BBS9: variants seen among roughly 807,000 people sequenced by gnomAD.
BBS9 encodes the protein protein PTHB1.
BBS9 carries 89 observed loss-of-function variants against 117.7 expected under a neutral mutation model. That is an observed-to-expected ratio of 0.76 (90% confidence interval 0.64 to 0.90). The LOEUF (loss-of-function observed/expected upper bound fraction) is 0.90. Among genes scored for constraint, BBS9 ranks in the 40% least tolerant of loss-of-function variants. The pLI, the probability that BBS9 is intolerant of heterozygous loss-of-function variation, is 0.00. For missense variants in BBS9, 982 were observed against 1,042.2 expected (o/e 0.94, Z 0.80); for synonymous variants, 379 against 370.9 (o/e 1.02, Z -0.25).
At chr7:33,592,723 A>G (rs1862139502) in intron 21 of BBS9, among the ~76,000 whole-genome samples, 1 of 152,062 alleles carries the variant, frequency 6.6e-6, no homozygotes, top group Admixed American at 6.6e-5. Flanking sequence ...AAAACAACAC[A>G]ATTTGGTCAA....
chr7:33,568,613 C>T (rs563742162), intron 21 of BBS9, among the ~76,000 whole-genome samples: 173 of 152,288 alleles, frequency 1.1e-3, no homozygotes, highest in African/African-American at 4.0e-3. Flanking sequence ...CAATTCCTTA[C>T]TGTTTCCATA....
chr7:33,536,003 G>A (rs570872703), intron 21 of BBS9, among the ~76,000 whole-genome samples: 4 of 152,018 alleles, frequency 2.6e-5, no homozygotes, highest in South Asian at 2.1e-4. Context: ...GGCTGTGTCC[G>A]TATCTAGGAT....
At chr7:33,616,820 A>C (rs1210975529) in intron 21 of BBS9, among the ~76,000 whole-genome samples, 1 of 152,034 alleles carries the variant, frequency 6.6e-6, no homozygotes, top group Non-Finnish European at 1.5e-5. Flanking sequence ...AATAGTATAC[A>C]TTATATCCCA....
chr7:33,227,163 A>ATT lies in BBS9; in HGVS notation c.443-30060_443-30059dup, dbSNP rs200953219. Among the ~76,000 whole-genome samples, 623 of 146,372 alleles carry ATT rather than the reference A, an allele frequency of 4.3e-3. 5 individuals carry two copies. The highest frequency in any genetic ancestry group is 6.0e-3 in the Admixed American group (88 of 14,608). On this transcript the variant is annotated intron_variant, in intron 5 of 22. Coordinates refer to ENST00000242067, the MANE Select transcript of BBS9 (RefSeq NM_198428.3). Reference sequence around the variant, plus strand: ...TTGTTTAGGGACCTTACAGCCATCAATTTTTTTTTTTTTTGAGACACAGTT... The same window carrying ATT: ...TTGTTTAGGGACCTTACAGCCATCAATTTTTTTTTTTTTTTTGAGACACAGTT...
intron 5 of BBS9, among the ~76,000 whole-genome samples, chr7:33,228,741 G>A (rs376647764): frequency 6.6e-6 from 1 of 152,246 alleles, no homozygotes; most frequent in Admixed American, 6.5e-5. Context: ...ACAGTTCATT[G>A]AGTCTAAGTG....
rs988823236 is a variant in BBS9, at chr7:33,500,228, G to A, written c.2116-5235G>A. On this transcript the variant is annotated intron_variant, in intron 19 of 22. Transcript: ENST00000242067. ...CATAACTAAAGCACATATGCCTATCGTGGATGTAATGTATTAGTAGTGTTC... is the reference window on the plus strand; with the variant it reads ...CATAACTAAAGCACATATGCCTATCATGGATGTAATGTATTAGTAGTGTTC... Among the ~76,000 whole-genome samples the A allele has an allele frequency of 1.1e-4, 16 of 152,174 alleles. No individual in the cohort carries two copies. In the East Asian group the frequency reaches 2.1e-3, roughly 20 times the overall value.
chr7:33,486,795 G>A (rs1173719460), intron 19 of BBS9, among the ~76,000 whole-genome samples: 2 of 152,172 alleles, frequency 1.3e-5, no homozygotes, highest in Non-Finnish European at 2.9e-5. Context: ...GGTGACCCTG[G>A]TAGCCATTCA....
intron 5 of BBS9, among the ~76,000 whole-genome samples, chr7:33,207,208 TG>T (rs1428260526): frequency 6.6e-6 from 1 of 152,230 alleles, no homozygotes; most frequent in East Asian, 1.9e-4. Flanking sequence ...GTAAATATTT[TG>T]CTTTTCATCA....
At chr7:33,145,100 C>T (rs1400832827) in intron 1 of BBS9, among the ~76,000 whole-genome samples, 1 of 152,160 alleles carries the variant, frequency 6.6e-6, no homozygotes, top group Non-Finnish European at 1.5e-5. Flanking sequence ...TTACTAGAAG[C>T]TTGCAGGAAT....
intron 9 of BBS9, among the ~76,000 whole-genome samples, chr7:33,335,528 G>A (rs1815163851): frequency 6.6e-6 from 1 of 151,994 alleles, no homozygotes; most frequent in Admixed American, 6.6e-5. Flanking sequence ...TGTTTTTATG[G>A]CAAACTTAGG....
chr7:33,369,576 T>C (rs1399455987), intron 17 of BBS9, among the ~76,000 whole-genome samples: 1 of 152,160 alleles, frequency 6.6e-6, no homozygotes, highest in African/African-American at 2.4e-5. Context: ...AAATAAACTG[T>C]GTAAATTGAA....
chr7:33,407,590 G>A (rs1830272419), intron 19 of BBS9, among the ~76,000 whole-genome samples: 1 of 147,804 alleles, frequency 6.8e-6, no homozygotes, highest in African/African-American at 2.4e-5. Flanking sequence ...CTTTGATGAT[G>A]GTGATGTACA....
chr7:33,342,270 T>G (rs1304401297), intron 11 of BBS9, among the ~76,000 whole-genome samples: 1 of 152,116 alleles, frequency 6.6e-6, no homozygotes, highest in East Asian at 1.9e-4. Context: ...AGGCACTGTT[T>G]TAAATATTGG....
At position 33,292,951 on chromosome 7, in the gene BBS9, A is replaced by G. The variant is rs1165595596; in HGVS notation, c.1016+18995A>G. 3.3e-5 allele frequency among the ~76,000 whole-genome samples: 5 copies of G among 151,758 alleles called. No individual in the cohort carries two copies. In the East Asian group the frequency reaches 9.7e-4, roughly 29 times the overall value. ...AACCTGGGCGGCAGAGGTTGCAGTC[A>G]GCTGAGATCATGCCACTGCACTCCA... On this transcript the variant is annotated intron_variant, in intron 9 of 22. Transcript: ENST00000242067.
At chr7:33,131,622 T>C (rs1247319701) in intron 1 of BBS9, among the ~76,000 whole-genome samples, 1 of 152,164 alleles carries the variant, frequency 6.6e-6, no homozygotes, top group Non-Finnish European at 1.5e-5. Flanking sequence ...AAGGTCTGTT[T>C]CCAGAACTGA....
intron 5 of BBS9, among the ~76,000 whole-genome samples, chr7:33,231,359 G>A (rs1052132642): frequency 3.7e-4 from 55 of 149,166 alleles, no homozygotes; most frequent in African/African-American, 1.3e-3. Context: ...TCCTCTTGGT[G>A]CTGTTGGTAG....
At position 33,534,785 on chromosome 7, in the gene BBS9, C is replaced by T. The variant is rs569020977; in HGVS notation, c.2521+609C>T. On this transcript the variant is annotated intron_variant, in intron 21 of 22. Transcript: ENST00000242067. ...TGGTCATAGGGGCTGAGCAGTCAGT[C>T]GTGCAGCCCTCAGGTCTCTTAGGCG... Among the ~76,000 whole-genome samples, 5 of 152,262 alleles carry T rather than the reference C, an allele frequency of 3.3e-5. 1 individual carries two copies. Among genetic ancestry groups the T allele is most frequent in the East Asian group, 1.9e-4 (1 of 5,172 alleles).
intron 5 of BBS9, among the ~76,000 whole-genome samples, chr7:33,186,453 T>G (rs1783145098): frequency 6.6e-6 from 1 of 152,202 alleles, no homozygotes; most frequent in Non-Finnish European, 1.5e-5. Context: ...GTGAGTGAAT[T>G]TACCTCCTCC....
At chr7:33,131,692 T>A (rs1472319360) in intron 1 of BBS9, among the ~76,000 whole-genome samples, 1 of 152,188 alleles carries the variant, frequency 6.6e-6, no homozygotes, top group Non-Finnish European at 1.5e-5. Context: ...TCACAGCTGA[T>A]CATATTGTAG....
Sources: gnomAD v4.1 joint callset for allele counts (sites outside exome capture counted in the v4.1 genomes callset) on GRCh38, gnomAD v4.1.1 for gene constraint, MANE v1.5 for transcripts, NCBI Gene and HGNC (gene_info 2026-07-23, HGNC 2026-07-21) for gene names.